SCO1: variants seen among roughly 807,000 people sequenced by gnomAD.
SCO1 encodes cytochrome c oxidase assembly factor SCO1.
SCO1 carries 23 observed loss-of-function variants against 34.0 expected under a neutral mutation model. That is an observed-to-expected ratio of 0.68 (90% CI 0.49 to 0.96). The LOEUF (loss-of-function observed/expected upper bound fraction) is 0.96. Ranked by LOEUF, SCO1 falls within the 40% of genes least tolerant of loss-of-function variation. The pLI is 0.00. For missense variants in SCO1, 404 were observed against 381.6 expected (o/e 1.06, Z -0.49); for synonymous variants, 161 against 145.5 (o/e 1.11, Z -0.77).
rs1002701315 is a variant in SCO1, at chr17:10,677,643, A to G, written c.*3476T>C. ...GTAAATCTCACCTCTTACACTTAAGATATCAGCTGCTTCATGAACAGCCAG... is the reference window on the plus strand; with the variant it reads ...GTAAATCTCACCTCTTACACTTAAGGTATCAGCTGCTTCATGAACAGCCAG... On this transcript the variant is annotated 3_prime_UTR_variant, in exon 6 of 6. Coordinates refer to ENST00000255390, the MANE Select transcript of SCO1 (RefSeq NM_004589.4). The G allele has an allele frequency of 1.3e-5, 2 of 152,232 alleles. No homozygotes were observed. Among genetic ancestry groups the G allele is most frequent in the East Asian group, 1.9e-4 (1 of 5,200 alleles). The allele number at this position is 152,232 out of a possible 1,614,324, so 9.4% of individuals were successfully genotyped here.
chr17:10,691,721 A>G (rs1597509320), intron 4 of SCO1, 151 bp downstream of exon 4: 1 of 646,904 alleles, frequency 1.5e-6, no homozygotes, highest in Admixed American at 2.2e-5. Context: ...CTAACTATCC[A>G]TAACAATTCC....
rs1433510743 is a variant in SCO1, at chr17:10,679,179, C to T, written c.*1940G>A. On this transcript the variant is annotated 3_prime_UTR_variant, in exon 6 of 6. Coordinates refer to ENST00000255390, the MANE Select transcript of SCO1 (RefSeq NM_004589.4). Reference sequence around the variant, plus strand: ...GCCAGGCTGGTCTCGAACTCCTGACCTTAGGTGATCTGCACGCCTCGGCCT... The same window carrying T: ...GCCAGGCTGGTCTCGAACTCCTGACTTTAGGTGATCTGCACGCCTCGGCCT... 6.6e-6 allele frequency: 1 copy of T among 152,222 alleles called. No homozygotes were observed. The highest frequency in any genetic ancestry group is 2.4e-5 in the African/African-American group (1 of 41,424). The allele number at this position is 152,222 out of a possible 1,614,324, so 9.4% of individuals were successfully genotyped here. A position where few individuals can be genotyped will look rare whatever the true frequency, so the allele number is the denominator to read the frequency against.
At chr17:10,682,536 TTTCTCTA>T (rs2074629008) in intron 5 of SCO1, among the ~76,000 whole-genome samples, 2 of 152,210 alleles carry the variant, frequency 1.3e-5, no homozygotes, top group African/African-American at 4.8e-5. Flanking sequence ...ATTTCTTCCT[TTTCTCTA>T]TTCTCTGTTA....
Position 10,674,647 on chromosome 17 carries a change from C to T in SCO1, c.*6472G>A, listed in dbSNP as rs1050329115. On this transcript the variant is annotated 3_prime_UTR_variant, in exon 6 of 6. Coordinates refer to ENST00000255390, the MANE Select transcript of SCO1 (RefSeq NM_004589.4). ...CCCTTCTTCCTCTATACAGTGAGGA[C>T]ATACCAGATGGTGTGTGACACGTCT... is the stretch of plus-strand genomic sequence containing the variant. 1.3e-5 allele frequency: 2 copies of T among 153,476 alleles called. No individual in the cohort carries two copies. Among genetic ancestry groups the T allele is most frequent in the Non-Finnish European group, 2.9e-5 (2 of 68,948 alleles). The allele number at this position is 153,476 out of a possible 1,614,324, so 9.5% of individuals were successfully genotyped here.
chr17:10,685,664 T>C (rs979454799), intron 5 of SCO1, among the ~76,000 whole-genome samples: 3 of 152,230 alleles, frequency 2.0e-5, no homozygotes, highest in Non-Finnish European at 2.9e-5. Flanking sequence ...CTTTTCAGAA[T>C]TCTCATTCAA....
chr17:10,693,245 G>T (rs1220185940), intron 2 of SCO1, among the ~76,000 whole-genome samples: 3 of 152,104 alleles, frequency 2.0e-5, no homozygotes, highest in African/African-American at 7.2e-5. Flanking sequence ...TGTCCATGCT[G>T]GGGGCAGGGA....
chr17:10,686,058 A>G (rs1202824791), intron 5 of SCO1, among the ~76,000 whole-genome samples: 2 of 152,068 alleles, frequency 1.3e-5, no homozygotes, highest in East Asian at 3.9e-4. Context: ...CCTGGCCAAC[A>G]TGGCAAAACT....
At chr17:10,686,622 T>G (rs113406513) in intron 5 of SCO1, 105 bp downstream of exon 5, 1 of 800,960 alleles carries the variant, frequency 1.2e-6, no homozygotes, top group Non-Finnish European at 2.2e-6. Context: ...TTTGCAATAA[T>G]CTTAGGTATT....
intron 2 of SCO1, among the ~76,000 whole-genome samples, chr17:10,694,443 CAAACAAAT>C (rs1484313040): frequency 6.6e-6 from 1 of 150,926 alleles, no homozygotes; most frequent in Admixed American, 6.6e-5. Flanking sequence ...TCTCAAAAAA[CAAACAAAT>C]AAACAATACC....
chr17:10,695,423 T>C (rs2074715292), intron 2 of SCO1: 1 of 349,598 alleles, frequency 2.9e-6, no homozygotes, highest in Non-Finnish European at 5.5e-6. Flanking sequence ...AACATTGTTA[T>C]GCAGTGGTAT....
rs923717301 is a variant in SCO1 at position 10,674,603 on chromosome 17, A to C, written c.*6516T>G. ...AGTATTAGCTTTGCTACAAACTTGT[A>C]GATAATTCACCACTTGGGCCCTTCT... On this transcript the variant is annotated 3_prime_UTR_variant, in exon 6 of 6. Coordinates refer to ENST00000255390, the MANE Select transcript of SCO1 (RefSeq NM_004589.4). 6.4e-6 allele frequency: 1 copy of C among 157,220 alleles called. No homozygotes were observed. The highest frequency in any genetic ancestry group is 1.9e-4 in the East Asian group (1 of 5,316). 9.7% of individuals were successfully genotyped at this position (157,220 alleles called of 1,614,324 possible). A position where few individuals can be genotyped will look rare whatever the true frequency, so the allele number is the denominator to read the frequency against.
In SCO1 at chr17:10,679,423, T is replaced by C. The variant is rs1350831713; in HGVS notation, c.*1696A>G. On this transcript the variant is annotated 3_prime_UTR_variant, in exon 6 of 6. Coordinates refer to ENST00000255390, the MANE Select transcript of SCO1 (RefSeq NM_004589.4). Reference sequence around the variant, plus strand: ...GACATTATTCAACCTATAACTAGCATAGTTTTTTTTCACATACTTTTACTT... The same window carrying C: ...GACATTATTCAACCTATAACTAGCACAGTTTTTTTTCACATACTTTTACTT... The C allele has an allele frequency of 6.6e-6, 1 of 151,854 alleles. No individual in the cohort carries two copies. The highest frequency in any genetic ancestry group is 1.9e-4 in the East Asian group (1 of 5,196). The allele number at this position is 151,854 out of a possible 1,614,324, so 9.4% of individuals were successfully genotyped here. A position where few individuals can be genotyped will look rare whatever the true frequency, so the allele number is the denominator to read the frequency against.
In SCO1 at chr17:10,686,848, T is replaced by TA. The variant is rs748960957; in HGVS notation, c.656-7dup. On this transcript the variant is annotated splice_region_variant and splice_polypyrimidine_tract_variant and intron_variant, in intron 4 of 5. Transcript: ENST00000255390. ...AACCAGTTTGGGAGAAAATTCTAAA[T>TA]AAAAAATGAGAGAGACAGTGAAAAA... 8.2e-6 allele frequency: 13 copies of TA among 1,585,458 alleles called. No individual in the cohort carries two copies. The highest frequency in any genetic ancestry group is 1.1e-5 in the Non-Finnish European group (13 of 1,154,064).
At chr17:10,689,338 T>G (rs1001328069) in intron 4 of SCO1, among the ~76,000 whole-genome samples, 1 of 152,186 alleles carries the variant, frequency 6.6e-6, no homozygotes, top group Admixed American at 6.5e-5. Context: ...TTAAAAGTAA[T>G]TACACATACA....
At chr17:10,684,471 A>C (rs2074642017) in intron 5 of SCO1, among the ~76,000 whole-genome samples, 1 of 152,216 alleles carries the variant, frequency 6.6e-6, no homozygotes, top group Non-Finnish European at 1.5e-5. Flanking sequence ...TAGCAGTCTG[A>C]CCAAAACCCC....
intron 4 of SCO1, 99 bp downstream of exon 4, chr17:10,691,773 C>T: frequency 1.3e-6 from 1 of 759,282 alleles, no homozygotes. Flanking sequence ...GGTGATAATA[C>T]CATTTGTCCT....
rs751806074 is a variant in SCO1, at chr17:10,697,524, G to A, written c.-17C>T. ...CATCGCCATGAGCCTCGGAGACCGG[G>A]TCTCCTTTGACCCTCCCCGCGATTT... On this transcript the variant is annotated 5_prime_UTR_variant, in exon 1 of 6. Transcript: ENST00000255390. The A allele has an allele frequency of 1.9e-6, 3 of 1,612,754 alleles. No homozygotes were observed. Among genetic ancestry groups the A allele is most frequent in the Admixed American group, 3.3e-5 (2 of 59,930 alleles).
intron 5 of SCO1, among the ~76,000 whole-genome samples, chr17:10,681,970 T>C (rs981390471): frequency 6.6e-6 from 1 of 152,214 alleles, no homozygotes; most frequent in African/African-American, 2.4e-5. Context: ...ATCCATCACC[T>C]GGAAAGCAAA....
rs1462025237 is a variant in SCO1, at chr17:10,674,163, CCAGTA to C, written c.*6951_*6955del. ...GCGTGGTGGCTCACATCTGTAATCC[CCAGTA>C]CTTTGGGAGGCCAAGGCGGGTGGAT... is the stretch of plus-strand genomic sequence containing the variant. On this transcript the variant is annotated 3_prime_UTR_variant, in exon 6 of 6. Coordinates refer to ENST00000255390, the MANE Select transcript of SCO1 (RefSeq NM_004589.4). 1 of 156,674 alleles carries C rather than the reference CCAGTA, an allele frequency of 6.4e-6. No homozygotes were observed. The highest frequency in any genetic ancestry group is 1.4e-5 in the Non-Finnish European group (1 of 71,084). The allele number at this position is 156,674 out of a possible 1,614,324, so 9.7% of individuals were successfully genotyped here.
Sources: allele counts gnomAD v4.1 joint callset (sites outside exome capture counted in the v4.1 genomes callset), GRCh38; gene constraint gnomAD v4.1.1; transcripts MANE v1.5; gene names NCBI Gene and HGNC (gene_info 2026-07-23, HGNC 2026-07-21).